The following EPS8 variants were observed in gnomAD, a reference collection of about 807,000 sequenced individuals.
The protein encoded by EPS8 is epidermal growth factor receptor kinase substrate 8.
Under a neutral mutation model 103.8 loss-of-function variants are expected in EPS8, and 42 were observed. That is an observed-to-expected ratio of 0.40 (90% CI 0.32 to 0.52). The LOEUF (loss-of-function observed/expected upper bound fraction) is 0.52. Ranked by LOEUF, EPS8 falls within the 20% of genes least tolerant of loss-of-function variation. The pLI is 0.40. For synonymous variants in EPS8, 344 were observed against 344.6 expected (o/e 1.00, Z 0.02); for missense variants, 969 against 1,005.1 (o/e 0.96, Z 0.49).
chr12:15,678,117 T>C (rs1038331576), intron 3 of EPS8, among the ~76,000 whole-genome samples: 5 of 152,134 alleles, frequency 3.3e-5, no homozygotes, highest in Non-Finnish European at 7.4e-5. Context: ...TAACAGATGC[T>C]ATACATAAGT....
chr12:15,631,043 T>C (rs1236786693), intron 18 of EPS8, among the ~76,000 whole-genome samples: 1 of 152,204 alleles, frequency 6.6e-6, no homozygotes, highest in African/African-American at 2.4e-5. Context: ...ATTATCTCAT[T>C]AAATCCTCAC....
At position 15,749,475 on chromosome 12, in the gene EPS8, A is replaced by C. The variant is rs1207722929; in HGVS notation, c.-22+39686T>G. On this transcript the variant is annotated intron_variant, in intron 1 of 20. Transcript: ENST00000281172. This position sits in a 1 kb window ranked among gnomAD's most constrained non-coding sequence, Gnocchi z 4.0. ...CATTTGCCTAATGAATAAATCATTT[A>C]TTGTAATTTGTTTCCAAGATATATG... 6.6e-6 allele frequency among the ~76,000 whole-genome samples: 1 copy of C among 152,204 alleles called. No individual in the cohort carries two copies. Among genetic ancestry groups the C allele is most frequent in the African/African-American group, 2.4e-5 (1 of 41,438 alleles).
chr12:15,712,740 T>C (rs1388932488), intron 1 of EPS8: 1 of 408,710 alleles, frequency 2.4e-6, no homozygotes, highest in Non-Finnish European at 3.3e-6. Flanking sequence ...AGGGCTTACT[T>C]GGACTAAAAG....
intron 1 of EPS8, among the ~76,000 whole-genome samples, chr12:15,770,479 T>C (rs528480557): frequency 2.0e-5 from 3 of 152,236 alleles, no homozygotes; most frequent in South Asian, 4.1e-4. Context: ...GTCTTACTCA[T>C]AATACAAAAA....
intron 1 of EPS8, among the ~76,000 whole-genome samples, chr12:15,720,100 G>A (rs1386591512): frequency 6.6e-6 from 1 of 152,026 alleles, no homozygotes; most frequent in African/African-American, 2.4e-5. Context: ...TACAACTTTG[G>A]CCACATTACT....
At position 15,745,724 on chromosome 12, in the gene EPS8, A is replaced by C. The variant is rs562620475; in HGVS notation, c.-22+43437T>G. ...AACAAAGACACTGCCCCATCTTTAAAATTTTCATAGACTATCTAGATAATA... is the reference window on the plus strand; with the variant it reads ...AACAAAGACACTGCCCCATCTTTAACATTTTCATAGACTATCTAGATAATA... On this transcript the variant is annotated intron_variant, in intron 1 of 20. Coordinates refer to ENST00000281172, the MANE Select transcript of EPS8 (RefSeq NM_004447.6). This position sits in a 1 kb window ranked among gnomAD's most constrained non-coding sequence, Gnocchi z 4.6. 2.0e-5 allele frequency among the ~76,000 whole-genome samples: 3 copies of C among 152,300 alleles called. No homozygotes were observed. In the East Asian group the frequency reaches 5.8e-4, roughly 29 times the overall value.
intron 8 of EPS8, among the ~76,000 whole-genome samples, chr12:15,663,479 G>A (rs1214553140): frequency 6.6e-6 from 1 of 152,138 alleles, no homozygotes; most frequent in East Asian, 1.9e-4. Context: ...GGCCAAACCT[G>A]ATATAATAAG....
intron 6 of EPS8, among the ~76,000 whole-genome samples, chr12:15,667,817 G>A (rs752006120): frequency 1.3e-5 from 2 of 152,094 alleles, no homozygotes; most frequent in Non-Finnish European, 2.9e-5. Flanking sequence ...TGCATACAGT[G>A]CTTCGTGGTA....
intron 1 of EPS8, among the ~76,000 whole-genome samples, chr12:15,766,819 C>T (rs1947103813): frequency 6.6e-6 from 1 of 152,146 alleles, no homozygotes; most frequent in South Asian, 2.1e-4. Context: ...GTCATTCAAA[C>T]ATATGTCTAA....
intron 12 of EPS8, among the ~76,000 whole-genome samples, chr12:15,654,795 A>C (rs1041669991): frequency 5.9e-5 from 9 of 152,158 alleles, no homozygotes; most frequent in Non-Finnish European, 1.2e-4. Context: ...AGGAAGGCAA[A>C]ACAGGAATGA....
At chr12:15,634,398 GAT>G (rs1366743716) in intron 17 of EPS8, among the ~76,000 whole-genome samples, 1 of 152,142 alleles carries the variant, frequency 6.6e-6, no homozygotes, top group Non-Finnish European at 1.5e-5. Context: ...CTTTCCTATT[GAT>G]AATTAAGTTG....
In EPS8 at chr12:15,762,764, C is replaced by T. The variant is rs1326452325; in HGVS notation, c.-22+26397G>A. On this transcript the variant is annotated intron_variant, in intron 1 of 20. Coordinates refer to ENST00000281172, the MANE Select transcript of EPS8 (RefSeq NM_004447.6). This position sits in a 1 kb window ranked among gnomAD's most constrained non-coding sequence, Gnocchi z 4.8. ...GAGAGAGAGTATAGAAGGATGGTTA[C>T]CAGAGGCTGGGAAGGTGAAGTGGGG... Among the ~76,000 whole-genome samples the T allele has an allele frequency of 6.6e-6, 1 of 151,902 alleles. No individual in the cohort carries two copies. The highest frequency in any genetic ancestry group is 1.5e-5 in the Non-Finnish European group (1 of 67,978).
At position 15,751,803 on chromosome 12, in the gene EPS8, G is replaced by A. The variant is rs1946935181; in HGVS notation, c.-22+37358C>T. ...CATACTCTACTTACACCATAGCTCA[G>A]ACAACATGTTAGACGTTAACTAGAC... is the stretch of plus-strand genomic sequence containing the variant. On this transcript the variant is annotated intron_variant, in intron 1 of 20. Transcript: ENST00000281172. This position sits in a 1 kb window ranked among gnomAD's most constrained non-coding sequence, Gnocchi z 4.3. 2.6e-5 allele frequency among the ~76,000 whole-genome samples: 4 copies of A among 151,854 alleles called. No individual in the cohort carries two copies. Among genetic ancestry groups the A allele is most frequent in the Admixed American group, 2.6e-4 (4 of 15,250 alleles).
chr12:15,624,161 C>T, intron 19 of EPS8, 66 bp downstream of exon 19: 1 of 1,324,426 alleles, frequency 7.6e-7, no homozygotes, highest in Non-Finnish European at 1.1e-6. Flanking sequence ...TGACATCTAA[C>T]TAAGCAAATT....
chr12:15,717,273 T>G lies in EPS8; in HGVS notation c.-21-34301A>C, dbSNP rs533873705. Among the ~76,000 whole-genome samples the G allele has an allele frequency of 6.6e-6, 1 of 152,178 alleles. No individual in the cohort carries two copies. The highest frequency in any genetic ancestry group is 6.5e-5 in the Admixed American group (1 of 15,284). The stretch of plus-strand genomic sequence containing the variant: ...TGAAGCTATTGTTTGGCTGTAGAGC[T>G]AGGATTAAAGGTAGAAAAAACAAAA... On this transcript the variant is annotated intron_variant, in intron 1 of 20. Coordinates refer to ENST00000281172, the MANE Select transcript of EPS8 (RefSeq NM_004447.6). The surrounding 1 kb of genome is among the most constrained non-coding windows in gnomAD (Gnocchi z 4.3).
At chr12:15,715,788 C>T (rs544561157) in intron 1 of EPS8, among the ~76,000 whole-genome samples, 2 of 151,998 alleles carry the variant, frequency 1.3e-5, no homozygotes, top group Middle Eastern at 3.4e-3. Flanking sequence ...CATGCCTGGC[C>T]CCCAAGAACA....
At position 15,641,375 on chromosome 12, in the gene EPS8, ATGT is replaced by A. The variant is rs1945226419; in HGVS notation, c.1677+344_1677+346del. 2.7e-5 allele frequency among the ~76,000 whole-genome samples: 4 copies of A among 150,286 alleles called. No individual in the cohort carries two copies. The East Asian group carries it at 7.8e-4, about 29-fold the overall frequency. The stretch of plus-strand genomic sequence containing the variant: ...GCAAGGATATAGGATTAAAAAAAGA[ATGT>A]TGTCTCTTATTGAACTATTATGTGC... On this transcript the variant is annotated intron_variant, in intron 16 of 20. Transcript: ENST00000281172.
rs1292839733 is a variant in EPS8, at chr12:15,761,048, A to G, written c.-22+28113T>C. The stretch of plus-strand genomic sequence containing the variant: ...TATGATCTTATATTTGGAAAAACCT[A>G]AAGACACCACATCAAAAACTATTAA... On this transcript the variant is annotated intron_variant, in intron 1 of 20. Coordinates refer to ENST00000281172, the MANE Select transcript of EPS8 (RefSeq NM_004447.6). This position sits in a 1 kb window ranked among gnomAD's most constrained non-coding sequence, Gnocchi z 4.5. 6.6e-6 allele frequency among the ~76,000 whole-genome samples: 1 copy of G among 152,114 alleles called. No homozygotes were observed. The highest frequency in any genetic ancestry group is 2.4e-5 in the African/African-American group (1 of 41,446).
intron 16 of EPS8, among the ~76,000 whole-genome samples, 162 bp from the exon 17 acceptor site, chr12:15,641,008 A>G (rs1219349614): frequency 4.7e-5 from 7 of 149,702 alleles, no homozygotes; most frequent in African/African-American, 1.8e-4. Flanking sequence ...CTAAGAAGAC[A>G]TTTATGAGTA....
Sources: allele counts gnomAD v4.1 joint callset (sites outside exome capture counted in the v4.1 genomes callset), GRCh38; gene constraint gnomAD v4.1.1; non-coding constraint Gnocchi (gnomAD v3.1); transcripts MANE v1.5; gene names NCBI Gene and HGNC (gene_info 2026-07-23, HGNC 2026-07-21).